Variants in SORCS2 observed in about 807,000 individuals in gnomAD.
SORCS2 encodes the protein VPS10 domain-containing receptor SorCS2.
In SORCS2, 100 loss-of-function variants were observed where a neutral mutation model predicts 141.6. The observed-to-expected ratio is 0.71, with a 90% confidence interval of 0.60 to 0.83. The LOEUF (loss-of-function observed/expected upper bound fraction) is 0.83. SORCS2 is among the 40% of genes least tolerant of loss of function. The probability of loss-of-function intolerance (pLI) is 0.00; values close to 1 mark genes in which losing one functional copy is unlikely to be tolerated. For missense variants in SORCS2, 1,646 were observed against 1,560.2 expected, an observed-to-expected ratio of 1.05 and a Z score of -0.93; for synonymous variants, 789 against 676.9, an observed-to-expected ratio of 1.17 and a Z score of -2.57.
In SORCS2 at chr4:7,741,719, C is replaced by T. The variant is rs1712693702; in HGVS notation, c.*1455C>T. On this transcript the variant is annotated 3_prime_UTR_variant, in exon 27 of 27. Coordinates refer to ENST00000507866, the MANE Select transcript of SORCS2 (RefSeq NM_020777.3). ...GGTCCCTCTCAGAAAGGGAGAACGC[C>T]AGAGCCCTGGCTGGTGACATGCTGG... 6.3e-6 allele frequency: 1 copy of T among 157,586 alleles called. No individual in the cohort carries two copies. The highest frequency in any genetic ancestry group is 1.4e-5 in the Non-Finnish European group (1 of 72,014). The allele number at this position is 157,586 out of a possible 1,614,324, so 9.8% of individuals were successfully genotyped here.
At chr4:7,674,247 G>A (rs938453940) in intron 8 of SORCS2, among the ~76,000 whole-genome samples, 1 of 152,026 alleles carries the variant, frequency 6.6e-6, no homozygotes, top group Non-Finnish European at 1.5e-5. Flanking sequence ...CTGCCACTGT[G>A]GGGTCCTCTC....
intron 1 of SORCS2, among the ~76,000 whole-genome samples, chr4:7,373,478 A>ATATATATATTTTTTTTTTTTTTT (rs1470691140): frequency 2.7e-5 from 1 of 36,824 alleles, no homozygotes; most frequent in African/African-American, 1.6e-4. Flanking sequence ...ATATATATAT[A>ATATATATATTTTTTTTTTTTTTT]TTTTTTTTTT....
intron 8 of SORCS2, among the ~76,000 whole-genome samples, chr4:7,667,600 T>G (rs1288931910): frequency 6.6e-6 from 1 of 152,120 alleles, no homozygotes; most frequent in Non-Finnish European, 1.5e-5. Context: ...CAGGGACCCC[T>G]CCCTCCAGTG....
chr4:7,540,663 C>T (rs570062128), intron 3 of SORCS2, among the ~76,000 whole-genome samples: 13 of 152,230 alleles, frequency 8.5e-5, no homozygotes, highest in African/African-American at 1.4e-4. Flanking sequence ...ACCCGCTCCC[C>T]GGCCCACACA....
At chr4:7,468,321 C>G (rs928589798) in intron 2 of SORCS2, among the ~76,000 whole-genome samples, 3 of 152,194 alleles carry the variant, frequency 2.0e-5, no homozygotes, top group Non-Finnish European at 4.4e-5. Flanking sequence ...CTGCAGCACC[C>G]GAAGCCTCGT....
intron 2 of SORCS2, among the ~76,000 whole-genome samples, chr4:7,452,827 T>C (rs1406121280): frequency 6.6e-6 from 1 of 151,876 alleles, no homozygotes; most frequent in Non-Finnish European, 1.5e-5. Context: ...AGGCTCCGTG[T>C]TGGGGTCAGG....
intron 1 of SORCS2, among the ~76,000 whole-genome samples, chr4:7,262,314 C>A (rs1036831967): frequency 1.1e-4 from 16 of 149,602 alleles, no homozygotes; most frequent in Non-Finnish European, 1.9e-4. Flanking sequence ...ATCCAACCAC[C>A]TATCCATCCA....
At chr4:7,353,956 C>T (rs9684218) in intron 1 of SORCS2, among the ~76,000 whole-genome samples, 107,859 of 152,084 alleles carry the variant, frequency 0.71, 38,657 homozygotes, top group Non-Finnish European at 0.74. Flanking sequence ...CAAGAAGCCC[C>T]TCCCTGTTCC....
At chr4:7,510,252 C>T (rs539720284) in intron 2 of SORCS2, among the ~76,000 whole-genome samples, 7 of 152,328 alleles carry the variant, frequency 4.6e-5, no homozygotes, top group South Asian at 2.1e-4. Flanking sequence ...GCTCCCTCCG[C>T]TGAGTGTCCG....
At chr4:7,452,162 A>G (rs1345284326) in intron 2 of SORCS2, among the ~76,000 whole-genome samples, 1 of 148,014 alleles carries the variant, frequency 6.8e-6, no homozygotes, top group African/African-American at 2.5e-5. Flanking sequence ...TTTTTTTGAG[A>G]TGGAGACTTG....
chr4:7,325,384 C>A (rs1719186494), intron 1 of SORCS2, among the ~76,000 whole-genome samples: 1 of 152,186 alleles, frequency 6.6e-6, no homozygotes, highest in Admixed American at 6.5e-5. Flanking sequence ...CAGCACATCA[C>A]AGACCCCTAG....
chr4:7,523,547 ACTG>A (rs748944750), intron 2 of SORCS2, among the ~76,000 whole-genome samples: 1 of 151,818 alleles, frequency 6.6e-6, no homozygotes, highest in Non-Finnish European at 1.5e-5. Context: ...GCTCTGGTGA[ACTG>A]CTAAGAGACA....
At chr4:7,413,537 G>A (rs1310819001) in intron 2 of SORCS2, among the ~76,000 whole-genome samples, 1 of 151,660 alleles carries the variant, frequency 6.6e-6, no homozygotes, top group African/African-American at 2.4e-5. Flanking sequence ...ACATGCGCCC[G>A]CCACCATGCC....
intron 17 of SORCS2, among the ~76,000 whole-genome samples, chr4:7,717,356 G>A (rs995451486): frequency 2.0e-5 from 3 of 152,212 alleles, no homozygotes; most frequent in Non-Finnish European, 4.4e-5. Flanking sequence ...TCACTCTGAC[G>A]TGATCTGCTC....
intron 1 of SORCS2, among the ~76,000 whole-genome samples, chr4:7,320,681 G>T: frequency 6.6e-6 from 1 of 152,164 alleles, no homozygotes; most frequent in East Asian, 1.9e-4. Flanking sequence ...GAGTCATTCT[G>T]TACACCTTGG....
intron 2 of SORCS2, among the ~76,000 whole-genome samples, chr4:7,515,603 G>A (rs984666771): frequency 5.9e-5 from 9 of 152,210 alleles, no homozygotes; most frequent in Non-Finnish European, 1.5e-5. Flanking sequence ...AGGCTGTGGG[G>A]CAGATGCTGC....
chr4:7,256,476 CA>C, intron 1 of SORCS2, among the ~76,000 whole-genome samples: 1 of 152,286 alleles, frequency 6.6e-6, no homozygotes, highest in East Asian at 1.9e-4. Context: ...AGCCTCTGGG[CA>C]GGAACTCTAA....
At chr4:7,579,851 T>A (rs549526075) in intron 3 of SORCS2, among the ~76,000 whole-genome samples, 1 of 152,074 alleles carries the variant, frequency 6.6e-6, no homozygotes, top group Admixed American at 6.5e-5. Flanking sequence ...TAGAAAGAAG[T>A]CTTCTACCTA....
chr4:7,482,656 G>A (rs11731634), intron 2 of SORCS2, among the ~76,000 whole-genome samples: 42 of 61,896 alleles, frequency 6.8e-4, no homozygotes, highest in African/African-American at 1.4e-3. Context: ...CTGTATCCCC[G>A]CTGCGGACAC....
Sources: gnomAD v4.1 joint callset for allele counts (sites outside exome capture counted in the v4.1 genomes callset) on GRCh38, gnomAD v4.1.1 for gene constraint, MANE v1.5 for transcripts, NCBI Gene and HGNC (gene_info 2026-07-23, HGNC 2026-07-21) for gene names.